Variants in CEP250 observed in about 807,000 individuals in gnomAD.
CEP250 encodes centrosomal protein 250.
In CEP250, 242 loss-of-function variants were observed where a neutral mutation model predicts 315.7. The observed-to-expected ratio is 0.77, with a 90% CI of 0.69 to 0.85. The LOEUF is 0.85. CEP250 is among the 40% of genes least tolerant of loss of function. CEP250 has a pLI of 0.00. For synonymous variants in CEP250, 1,088 were observed against 1,175.0 expected (o/e 0.93, Z 1.51); for missense variants, 2,515 against 2,886.4 (o/e 0.87, Z 2.95).
chr20:35,483,539 ATT>A (rs879547328), intron 20 of CEP250, among the ~76,000 whole-genome samples: 5 of 140,242 alleles, frequency 3.6e-5, no homozygotes, highest in African/African-American at 5.2e-5. Flanking sequence ...TTTAATTTTA[ATT>A]TTTTTTTTTT....
In CEP250 at chr20:35,502,438, G is replaced by C; in HGVS notation, c.4069G>C (p.Val1357Leu). The stretch of plus-strand genomic sequence containing the variant: ...AGCCAAGGAGAACCTGACAGCCCAG[G>C]TGGAACACCTGCAAGCAGCTGTCGT... ...QAAKENLTAQ[V>L]EHLQAAVVEA... The change falls in exon 30 of 35, where the codon GTG becomes CTG. Residue 1357 changes from valine to leucine, a missense_variant. Coordinates refer to ENST00000397527, the MANE Select transcript of CEP250 (RefSeq NM_007186.6). The C allele has an allele frequency of 6.2e-7, 1 of 1,614,100 alleles. No individual in the cohort carries two copies.
chr20:35,490,592 C>G lies in CEP250; in HGVS notation c.2587-45C>G, dbSNP rs367864961. On this transcript the variant is annotated intron_variant, in intron 20 of 34. Transcript: ENST00000397527. ...TTCCAATCCAGTACCCCTGCCTCCC[C>G]TCCTCACCCATTTGGTTCTAATGGT... 12 of 1,582,156 alleles carry G rather than the reference C, an allele frequency of 7.6e-6. No homozygotes were observed. The African/African-American group carries it at 1.5e-4, about 20-fold the overall frequency.
chr20:35,477,106 G>T (rs569745506), intron 16 of CEP250, among the ~76,000 whole-genome samples: 1 of 152,094 alleles, frequency 6.6e-6, no homozygotes, highest in Non-Finnish European at 1.5e-5. Flanking sequence ...TGCATCCCGG[G>T]TTCAAGCAAT....
intron 30 of CEP250, among the ~76,000 whole-genome samples, chr20:35,505,697 C>T (rs1702835933): frequency 1.3e-5 from 2 of 148,506 alleles, no homozygotes; most frequent in Middle Eastern, 3.6e-3. Flanking sequence ...CAGTAAGGAA[C>T]TAGCCAAGCA....
At chr20:35,491,020 C>G in intron 21 of CEP250, 192 bp from the exon 22 acceptor site, 1 of 803,544 alleles carries the variant, frequency 1.2e-6, no homozygotes, top group Non-Finnish European at 2.0e-6. Flanking sequence ...TGTACCACAT[C>G]CTGTCAGCTT....
At position 35,472,739 on chromosome 20, in the gene CEP250, T is replaced by C; in HGVS notation, c.1117T>C (p.Ser373Pro). 1.2e-6 allele frequency: 2 copies of C among 1,614,106 alleles called. No homozygotes were observed. Among genetic ancestry groups the C allele is most frequent in the Non-Finnish European group, 1.7e-6 (2 of 1,179,946 alleles). The change falls in exon 12 of 35, where the codon TCT (serine) becomes CCT (proline). Residue 373 changes from serine to proline, a missense_variant. Coordinates refer to ENST00000397527, the MANE Select transcript of CEP250 (RefSeq NM_007186.6). ...SGHENSLELD[S>P]SIFSQFDYQD... Reference sequence around the variant, plus strand: ...TCATGAGAACTCTTTGGAATTGGACTCTAGTATCTTCTCCCAGTTTGATTA... The same window carrying C: ...TCATGAGAACTCTTTGGAATTGGACCCTAGTATCTTCTCCCAGTTTGATTA...
At chr20:35,478,203 C>A in intron 17 of CEP250, 102 bp downstream of exon 17, 1 of 798,996 alleles carries the variant, frequency 1.3e-6, no homozygotes, top group Non-Finnish European at 2.0e-6. Flanking sequence ...AAAAGTCTTA[C>A]TTCCTAGAAA....
In CEP250 at chr20:35,514,286, A is replaced by G. The variant is rs184289665; in HGVS notation, c.*2660A>G. ...CAGTCCAGCCAGTTCTCGTGGATGTACTTGAGGAAGGTGCAATTGGCCACC... is the reference window on the plus strand; with the variant it reads ...CAGTCCAGCCAGTTCTCGTGGATGTGCTTGAGGAAGGTGCAATTGGCCACC... On this transcript the variant is annotated 3_prime_UTR_variant, in exon 35 of 35. Coordinates refer to ENST00000397527, the MANE Select transcript of CEP250 (RefSeq NM_007186.6). 6.6e-6 allele frequency: 1 copy of G among 152,434 alleles called. No homozygotes were observed. The highest frequency in any genetic ancestry group is 1.9e-4 in the East Asian group (1 of 5,190). The allele number at this position is 152,434 out of a possible 1,614,324, so 9.4% of individuals were successfully genotyped here.
At chr20:35,472,179 AC>A in intron 11 of CEP250, 28 bp downstream of exon 11, 1 of 1,359,840 alleles carries the variant, frequency 7.4e-7, no homozygotes, top group Non-Finnish European at 1.1e-6. Flanking sequence ...GTTCATGGTA[AC>A]CAGGTTATGC....
chr20:35,475,482 C>G lies in CEP250; in HGVS notation c.1572-20C>G. 24 of 1,613,138 alleles carry G rather than the reference C, an allele frequency of 1.5e-5. No homozygotes were observed. The highest frequency in any genetic ancestry group is 2.0e-5 in the Non-Finnish European group (24 of 1,179,520). On this transcript the variant is annotated intron_variant, in intron 14 of 34. Transcript: ENST00000397527. ...CCCATCCCTAAGAGTTCCTCTAGAC[C>G]CCTCTCTTTCCCATCTTAGTCAGGA...
At position 35,473,519 on chromosome 20, in the gene CEP250, T is replaced by C. The variant is rs749670536; in HGVS notation, c.1355T>C (p.Val452Ala). 1.9e-6 allele frequency: 3 copies of C among 1,613,838 alleles called. No homozygotes were observed. The African/African-American group carries it at 4.0e-5, about 22-fold the overall frequency. The part of the protein sequence containing the change: ...GERDTLAGQT[V>A]DLQGEVDSLS... The stretch of plus-strand genomic sequence containing the variant: ...CGGGACACTCTGGCAGGGCAGACTG[T>C]GGACCTCCAGGGAGAGGTGGACTCT... The change falls in exon 13 of 35, where the codon GTG becomes GCG. Residue 452 changes from valine (V) to alanine (A), a missense_variant. Coordinates refer to ENST00000397527, the MANE Select transcript of CEP250 (RefSeq NM_007186.6).
intron 26 of CEP250, among the ~76,000 whole-genome samples, 153 bp from the exon 27 acceptor site, chr20:35,498,442 T>C (rs1410455124): frequency 6.6e-6 from 1 of 152,212 alleles, no homozygotes; most frequent in Non-Finnish European, 1.5e-5. Flanking sequence ...TGGCCCATAC[T>C]TATGGAGAAA....
chr20:35,491,394 C>G (rs1288133748), intron 22 of CEP250, 48 bp downstream of exon 22: 2 of 1,552,448 alleles, frequency 1.3e-6, no homozygotes, highest in Non-Finnish European at 1.7e-6. Context: ...CACTCATTTA[C>G]CCATTCGACC....
In CEP250 at chr20:35,504,728, A is replaced by G. The variant is rs1350372358; in HGVS notation, c.6359A>G (p.Asn2120Ser). ...ILELRETQQR[N>S]NLEALPHSHK... ...GAGCTGAGGGAGACCCAGCAAAGGA[A>G]CAACCTGGAAGCCTTACCCCACAGC... Residue 2120 changes from asparagine to serine, a missense_variant, in exon 30 of 35, where the codon AAC (asparagine) becomes AGC (serine). Coordinates refer to ENST00000397527, the MANE Select transcript of CEP250 (RefSeq NM_007186.6). 2 of 1,614,082 alleles carry G rather than the reference A, an allele frequency of 1.2e-6. No homozygotes were observed. The highest frequency in any genetic ancestry group is 1.7e-5 in the Admixed American group (1 of 60,010).
chr20:35,477,924 G>C lies in CEP250; in HGVS notation c.1917G>C (p.Ala639=). The change falls in exon 17 of 35, where the codon GCG becomes GCC. Residue 639 remains alanine (A), a synonymous_variant. Transcript: ENST00000397527. ...VCSRMEAAEQ[A]RNALQVDLAE... is the part of the protein sequence containing the mutation. ...GCAGAATGGAGGCCGCAGAGCAGGC[G>C]AGAAATGCTTTGCAGGTCGACCTGG... The C allele has an allele frequency of 6.2e-7, 1 of 1,606,684 alleles. No homozygotes were observed. The highest frequency in any genetic ancestry group is 8.5e-7 in the Non-Finnish European group (1 of 1,176,928).
chr20:35,479,479 C>T (rs772564963), intron 18 of CEP250, 55 bp downstream of exon 18: 53 of 1,566,708 alleles, frequency 3.4e-5, no homozygotes, highest in Admixed American at 7.5e-5. Flanking sequence ...AAGGCAAAGG[C>T]GTGAAGCTAA....
chr20:35,470,014 G>A (rs2062985406), intron 10 of CEP250, 28 bp downstream of exon 10: 1 of 1,479,144 alleles, frequency 6.8e-7, no homozygotes, highest in Non-Finnish European at 9.5e-7. Context: ...CTGGAAAGGA[G>A]TTGGGCGTGG....
intron 3 of CEP250, 40 bp from the exon 4 acceptor site, chr20:35,462,225 G>T: frequency 1.6e-6 from 1 of 631,098 alleles, no homozygotes; most frequent in Non-Finnish European, 2.8e-6. Context: ...TGTAGTAAAA[G>T]AACAGTCCTT....
Position 35,466,990 on chromosome 20 carries a change from G to A in CEP250, c.517G>A (p.Glu173Lys). 2 of 1,613,602 alleles carry A rather than the reference G, an allele frequency of 1.2e-6. No individual in the cohort carries two copies. The highest frequency in any genetic ancestry group is 1.7e-6 in the Non-Finnish European group (2 of 1,179,516). The change falls in exon 8 of 35, where the codon GAG (glutamate) becomes AAG (lysine). Residue 173 changes from glutamate (E) to lysine (K), a missense_variant. By Grantham distance (56) the Glu-to-Lys change is moderately conservative. Transcript: ENST00000397527. ...QEFFKGYLKG[E>K]HGRLLSLWRE... is the part of the protein sequence containing the mutation. Reference sequence around the variant, plus strand: ...GTTCTTCAAGGGCTACCTGAAAGGGGAGCACGGTCGCCTTCTCAGTCTATG... The same window carrying A: ...GTTCTTCAAGGGCTACCTGAAAGGGAAGCACGGTCGCCTTCTCAGTCTATG...
Sources: allele counts gnomAD v4.1 joint callset (sites outside exome capture counted in the v4.1 genomes callset), GRCh38; gene constraint gnomAD v4.1.1; transcripts MANE v1.5; gene names NCBI Gene and HGNC (gene_info 2026-07-23, HGNC 2026-07-21).